Variants in HIVEP2 observed in about 807,000 individuals in gnomAD.
HIVEP2 encodes HIVEP zinc finger 2.
HIVEP2 carries 14 observed loss-of-function variants against 180.7 expected under a neutral mutation model. That is an observed-to-expected ratio of 0.08 (90% confidence interval 0.05 to 0.12). The LOEUF is 0.12. HIVEP2 is among the 10% of genes least tolerant of loss of function. The pLI, the probability that HIVEP2 is intolerant of heterozygous loss-of-function variation, is 1.00. For synonymous variants in HIVEP2, 1,184 were observed against 1,136.4 expected (o/e 1.04, Z -0.84); for missense variants, 2,579 against 3,008.5 (o/e 0.86, Z 3.34).
At chr6:142,944,179 G>A (rs1415606814) in intron 1 of HIVEP2, among the ~76,000 whole-genome samples, 4 of 152,074 alleles carry the variant, frequency 2.6e-5, no homozygotes, top group African/African-American at 9.7e-5. Context: ...CAACACCCAG[G>A]GACGCTTCCT....
intron 1 of HIVEP2, among the ~76,000 whole-genome samples, chr6:142,847,723 T>C (rs905528202): frequency 1.3e-5 from 2 of 152,198 alleles, no homozygotes; most frequent in African/African-American, 2.4e-5. Flanking sequence ...CTGAACATTA[T>C]AAAAACAGGA....
In HIVEP2 at chr6:142,772,914, C is replaced by T. The variant is rs979034067; in HGVS notation, c.1825G>A (p.Glu609Lys). 6.2e-7 allele frequency: 1 copy of T among 1,614,148 alleles called. No homozygotes were observed. The highest frequency in any genetic ancestry group is 8.5e-7 in the Non-Finnish European group (1 of 1,180,034). Reference sequence around the variant, plus strand: ...CCCTTCAACATCCTGCCATGGTGCTCGACTTCCACGTGGCCCTCCTGTACC... The same window carrying T: ...CCCTTCAACATCCTGCCATGGTGCTTGACTTCCACGTGGCCCTCCTGTACC... ...PSVQEGHVEV[E>K]HHGRMLKGIS... Residue 609 changes from glutamate (E) to lysine (K), a missense_variant, in exon 5 of 10, where the codon GAG becomes AAG. Physicochemically the swap from Glu to Lys is moderately conservative, Grantham distance 56. This residue lies in a region of HIVEP2 where 524 missense variants were observed against 563.6 expected (regional missense o/e 0.93). Coordinates refer to ENST00000367603, the MANE Select transcript of HIVEP2 (RefSeq NM_006734.4). The surrounding 1 kb of genome is among the most constrained non-coding windows in gnomAD (Gnocchi z 4.9).
At chr6:142,931,435 G>A (rs960521126) in intron 1 of HIVEP2, among the ~76,000 whole-genome samples, 2 of 152,016 alleles carry the variant, frequency 1.3e-5, no homozygotes, top group African/African-American at 2.4e-5. Context: ...AATCATTTGA[G>A]CTCAGCCTAG....
chr6:142,763,317 GC>G (rs1306777742), intron 7 of HIVEP2, among the ~76,000 whole-genome samples: 1 of 152,194 alleles, frequency 6.6e-6, no homozygotes, highest in Admixed American at 6.5e-5. Context: ...GATTGGTCAT[GC>G]AAGGGCGTTC....
chr6:142,875,197 A>T (rs1776401969), intron 1 of HIVEP2, among the ~76,000 whole-genome samples: 1 of 152,202 alleles, frequency 6.6e-6, no homozygotes, highest in Admixed American at 6.5e-5. Context: ...AACAATGACA[A>T]GGAGCCATGC....
At chr6:142,920,675 G>C (rs940768673) in intron 1 of HIVEP2, among the ~76,000 whole-genome samples, 2 of 152,146 alleles carry the variant, frequency 1.3e-5, no homozygotes, top group Non-Finnish European at 2.9e-5. Context: ...AGATTGACTA[G>C]TCTGGATTAA....
At chr6:142,861,869 G>C (rs1279337296) in intron 1 of HIVEP2, among the ~76,000 whole-genome samples, 2 of 152,156 alleles carry the variant, frequency 1.3e-5, no homozygotes, top group Non-Finnish European at 2.9e-5. Context: ...AGCCTTACTA[G>C]AGATTAGAAT....
intron 2 of HIVEP2, among the ~76,000 whole-genome samples, chr6:142,807,892 C>T (rs1438154057): frequency 1.3e-5 from 2 of 152,174 alleles, no homozygotes; most frequent in Non-Finnish European, 2.9e-5. Flanking sequence ...TCAAGGCCAG[C>T]TGTAGAGCAT....
Position 142,759,867 on chromosome 6 carries a change from T to C in HIVEP2, c.6421A>G (p.Ile2141Val), listed in dbSNP as rs1261055399. 1.3e-5 allele frequency: 21 copies of C among 1,613,980 alleles called. No individual in the cohort carries two copies. Among genetic ancestry groups the C allele is most frequent in the East Asian group, 2.2e-5 (1 of 44,896 alleles). Reference sequence around the variant, plus strand: ...GCCCTTCTGGGAGATGGCGCTCTTATTGTGGTCATGTATCTTCTCTCTCTT... The same window carrying C: ...GCCCTTCTGGGAGATGGCGCTCTTACTGTGGTCATGTATCTTCTCTCTCTT... ...PRRERRYMTT[I>V]RAPSPRRALY... Residue 2141 changes from isoleucine to valine, a missense_variant, in exon 9 of 10, where the codon ATA (isoleucine) becomes GTA (valine). Coordinates refer to ENST00000367603, the MANE Select transcript of HIVEP2 (RefSeq NM_006734.4).
chr6:142,832,226 A>C (rs1775107962), intron 2 of HIVEP2, among the ~76,000 whole-genome samples: 1 of 151,626 alleles, frequency 6.6e-6, no homozygotes, highest in Non-Finnish European at 1.5e-5. Flanking sequence ...AAAAACAAAA[A>C]CAAACAAAAA....
intron 1 of HIVEP2, among the ~76,000 whole-genome samples, chr6:142,927,838 G>A (rs1254854109): frequency 3.3e-5 from 5 of 152,164 alleles, no homozygotes; most frequent in Non-Finnish European, 5.9e-5. Context: ...GTGGCTTACG[G>A]TTAATAACGA....
chr6:142,793,620 T>TTCTC (rs1375264733), intron 2 of HIVEP2, among the ~76,000 whole-genome samples: 1 of 90,294 alleles, frequency 1.1e-5, no homozygotes, highest in African/African-American at 3.8e-5. Flanking sequence ...CCATCCTTCC[T>TTCTC]TCTCTTTCTT....
chr6:142,865,915 G>A (rs1776127522), intron 1 of HIVEP2, among the ~76,000 whole-genome samples: 1 of 152,168 alleles, frequency 6.6e-6, no homozygotes, highest in Non-Finnish European at 1.5e-5. Flanking sequence ...TCCCAAGACA[G>A]CCTCTTCTTA....
intron 6 of HIVEP2, among the ~76,000 whole-genome samples, chr6:142,767,910 A>G (rs535923782): frequency 9.2e-5 from 14 of 152,256 alleles, no homozygotes; most frequent in African/African-American, 1.4e-4. Context: ...ATATTGATGG[A>G]ACTGGTGAAA....
intron 1 of HIVEP2, among the ~76,000 whole-genome samples, chr6:142,858,987 C>T (rs1399390238): frequency 6.6e-6 from 1 of 152,148 alleles, no homozygotes; most frequent in Non-Finnish European, 1.5e-5. Flanking sequence ...ACCATAAACT[C>T]GTGGAGCTTG....
intron 1 of HIVEP2, among the ~76,000 whole-genome samples, chr6:142,855,992 T>C (rs1223305788): frequency 6.6e-6 from 1 of 152,232 alleles, no homozygotes; most frequent in African/African-American, 2.4e-5. Flanking sequence ...TGTCTGAAAT[T>C]TGAGACCTTC....
chr6:142,766,838 G>C (rs1313157818), intron 6 of HIVEP2, among the ~76,000 whole-genome samples: 1 of 152,114 alleles, frequency 6.6e-6, no homozygotes, highest in African/African-American at 2.4e-5. Context: ...CTATCAGTTA[G>C]ACAATATACA....
chr6:142,827,744 T>A (rs1255027285), intron 2 of HIVEP2, among the ~76,000 whole-genome samples: 2 of 152,074 alleles, frequency 1.3e-5, no homozygotes, highest in Non-Finnish European at 2.9e-5. Context: ...GGAGATCTTT[T>A]AATTGCAAGA....
intron 1 of HIVEP2, among the ~76,000 whole-genome samples, chr6:142,912,242 G>A (rs1777428615): frequency 6.6e-6 from 1 of 152,236 alleles, no homozygotes; most frequent in East Asian, 1.9e-4. Flanking sequence ...CAATTGGAGA[G>A]CACTGCTCCA....
Sources: gnomAD v4.1 joint callset for allele counts (sites outside exome capture counted in the v4.1 genomes callset) on GRCh38, gnomAD v4.1.1 for gene constraint, gnomAD v4.1.1 regional missense constraint, Gnocchi (gnomAD v3.1) non-coding constraint, MANE v1.5 for transcripts, NCBI Gene and HGNC (gene_info 2026-07-23, HGNC 2026-07-21) for gene names.